The following SLC44A5 variants were observed in gnomAD, a reference collection of about 807,000 sequenced individuals.
SLC44A5 encodes solute carrier family 44 member 5, also known as choline transporter-like protein 5.
SLC44A5 carries 57 observed loss-of-function variants against 101.8 expected under a neutral mutation model. The ratio of observed to expected loss-of-function variants is 0.56; its 90% CI spans 0.45 to 0.70. The LOEUF is 0.70. SLC44A5 is among the 30% of genes least tolerant of loss of function. The pLI is 0.00. For synonymous variants in SLC44A5, 281 were observed against 290.9 expected (o/e 0.97, Z 0.35); for missense variants, 737 against 853.1 (o/e 0.86, Z 1.70).
At chr1:75,704,699 G>T in the SLC44A5 span, among the ~76,000 whole-genome samples, 3 of 152,148 alleles carry the variant, frequency 2.0e-5, no homozygotes, top group Admixed American at 6.5e-5. Flanking sequence ...TACCTTGCAT[G>T]TGGTAAGAGA....
At chr1:75,340,692 C>A (rs1304090956) in intron 3 of SLC44A5, among the ~76,000 whole-genome samples, 1 of 152,188 alleles carries the variant, frequency 6.6e-6, no homozygotes, top group Admixed American at 6.5e-5. Context: ...TGTTTTCTGG[C>A]CATGGCCAAC....
chr1:75,495,083 G>A (rs543490177), intron 2 of SLC44A5, among the ~76,000 whole-genome samples: 40 of 152,166 alleles, frequency 2.6e-4, no homozygotes, highest in Admixed American at 7.8e-4. Flanking sequence ...ATGAGGAAAC[G>A]GAAATATGTG....
In SLC44A5 at chr1:75,469,543, G is replaced by GA. The variant is rs1041247906; in HGVS notation, c.13+71891dup. Among the ~76,000 whole-genome samples the GA allele has an allele frequency of 2.0e-4, 30 of 152,054 alleles. No homozygotes were observed. In the East Asian group the frequency reaches 2.3e-3, roughly 12 times the overall value. ...AAACCAGTGTGTGTAGAACTTAGGG[G>GA]AAAAAATCACTAAAATGGTACGGCG... On this transcript the variant is annotated intron_variant, in intron 2 of 23. Transcript: ENST00000370859.
At chr1:75,540,564 A>T (rs1039508630) in intron 2 of SLC44A5, among the ~76,000 whole-genome samples, 1 of 152,206 alleles carries the variant, frequency 6.6e-6, no homozygotes, top group African/African-American at 2.4e-5. Flanking sequence ...TCTTTTAAGA[A>T]TCTTGTTAGA....
In SLC44A5 at chr1:75,386,630, C is replaced by T. The variant is rs186061723; in HGVS notation, c.52+9953G>A. ...AGTCAATATCGTGAAAATGGCCATACTGTCCAAGGTAATTTACAGATTCAA... is the reference window on the plus strand; with the variant it reads ...AGTCAATATCGTGAAAATGGCCATATTGTCCAAGGTAATTTACAGATTCAA... On this transcript the variant is annotated intron_variant, in intron 3 of 23. Transcript: ENST00000370859. Among the ~76,000 whole-genome samples, 206 of 152,252 alleles carry T rather than the reference C, an allele frequency of 1.4e-3. 1 individual carries two copies. Among genetic ancestry groups the T allele is most frequent in the African/African-American group, 4.5e-3 (187 of 41,536 alleles).
chr1:75,410,233 T>G (rs1262138123), intron 2 of SLC44A5, among the ~76,000 whole-genome samples: 1 of 152,034 alleles, frequency 6.6e-6, no homozygotes, highest in Admixed American at 6.6e-5. Context: ...TTGCAGAAAT[T>G]GTGGCATCAG....
At chr1:75,390,929 C>T (rs754966266) in intron 3 of SLC44A5, among the ~76,000 whole-genome samples, 9 of 151,788 alleles carry the variant, frequency 5.9e-5, no homozygotes, top group African/African-American at 1.7e-4. Flanking sequence ...AGATAGAACT[C>T]GATACAAAGA....
intron 2 of SLC44A5, among the ~76,000 whole-genome samples, chr1:75,493,642 A>G (rs768542623): frequency 1.6e-4 from 25 of 152,202 alleles, no homozygotes; most frequent in Non-Finnish European, 3.1e-4. Context: ...TTAATAAAAA[A>G]ACTATACCTA....
rs538970334 is a variant in SLC44A5, at chr1:75,308,058, A to G, written c.102-7373T>C. On this transcript the variant is annotated intron_variant, in intron 4 of 23. Coordinates refer to ENST00000370859, the MANE Select transcript of SLC44A5 (RefSeq NM_001130058.2). ...TTGAAGATAATCCTGGCATCCAACC[A>G]TTGAGAAAGAAGTGTTGGTTTTGTA... Among the ~76,000 whole-genome samples the G allele has an allele frequency of 1.4e-3, 214 of 152,334 alleles. 2 individuals carry two copies. The highest frequency in any genetic ancestry group is 5.1e-3 in the African/African-American group (210 of 41,582).
At chr1:75,665,191 C>T in the SLC44A5 span, among the ~76,000 whole-genome samples, 3 of 152,136 alleles carry the variant, frequency 2.0e-5, no homozygotes, top group South Asian at 4.2e-4. Context: ...GTCAGAAGCA[C>T]CATCTTCAAA....
intron 2 of SLC44A5, among the ~76,000 whole-genome samples, chr1:75,460,209 A>G (rs1011133455): frequency 2.0e-5 from 3 of 152,204 alleles, no homozygotes; most frequent in African/African-American, 7.2e-5. Flanking sequence ...TGGAGTTTAT[A>G]ATGTTATGAT....
chr1:75,496,851 CAT>C, intron 2 of SLC44A5, among the ~76,000 whole-genome samples: 1 of 152,038 alleles, frequency 6.6e-6, no homozygotes, highest in African/African-American at 2.4e-5. Flanking sequence ...CCAAGGAAGA[CAT>C]AGAGTTTGCC....
intron 1 of SLC44A5, among the ~76,000 whole-genome samples, chr1:75,595,913 T>G (rs566216943): frequency 3.4e-4 from 52 of 152,296 alleles, no homozygotes; most frequent in African/African-American, 1.2e-3. Context: ...TAAAAAGAGA[T>G]AATTTAGCAT....
At chr1:75,684,684 T>A in the SLC44A5 span, among the ~76,000 whole-genome samples, 4,824 of 152,284 alleles carry the variant, frequency 0.032, 254 homozygotes, top group African/African-American at 0.11. Context: ...AGAGGTGGGT[T>A]CCCATGGTCT....
At chr1:75,698,099 C>T in the SLC44A5 span, among the ~76,000 whole-genome samples, 1 of 152,196 alleles carries the variant, frequency 6.6e-6, no homozygotes, top group Non-Finnish European at 1.5e-5. Context: ...ATTGCCCAGG[C>T]TTGCTTAGGT....
At chr1:75,318,218 A>T (rs1446874892) in intron 4 of SLC44A5, among the ~76,000 whole-genome samples, 1 of 151,998 alleles carries the variant, frequency 6.6e-6, no homozygotes, top group Non-Finnish European at 1.5e-5. Flanking sequence ...TCTCTACACA[A>T]ATAAAAACAT....
intron 2 of SLC44A5, among the ~76,000 whole-genome samples, chr1:75,535,435 C>A (rs1348016265): frequency 6.6e-6 from 1 of 152,184 alleles, no homozygotes; most frequent in Non-Finnish European, 1.5e-5. Flanking sequence ...TTCTAGGGTT[C>A]TTCCATCGTG....
chr1:75,589,843 C>A (rs1674243734), intron 1 of SLC44A5, among the ~76,000 whole-genome samples: 1 of 152,108 alleles, frequency 6.6e-6, no homozygotes, highest in Non-Finnish European at 1.5e-5. Flanking sequence ...TCAGCTGATG[C>A]CCCCTGCAGA....
intron 3 of SLC44A5, among the ~76,000 whole-genome samples, chr1:75,349,042 T>C (rs1278820321): frequency 6.6e-6 from 1 of 152,056 alleles, no homozygotes; most frequent in Non-Finnish European, 1.5e-5. Context: ...AATAAAGAGA[T>C]GAAAAATATT....
Sources: allele counts gnomAD v4.1 joint callset (sites outside exome capture counted in the v4.1 genomes callset), GRCh38; gene constraint gnomAD v4.1.1; transcripts MANE v1.5; gene names NCBI Gene and HGNC (gene_info 2026-07-23, HGNC 2026-07-21).